IRGC: variants seen among roughly 807,000 people sequenced by gnomAD.
IRGC encodes the protein interferon-inducible GTPase 5.
Under a neutral mutation model 16.1 loss-of-function variants are expected in IRGC, and 4 were observed. The observed-to-expected ratio is 0.25, with a 90% confidence interval of 0.12 to 0.57. IRGC has a LOEUF of 0.57. Among genes scored for constraint, IRGC ranks in the 20% least tolerant of loss-of-function variants. The pLI is 0.92. For missense variants in IRGC, 570 were observed against 643.9 expected, an observed-to-expected ratio of 0.89 and a Z score of 1.24; for synonymous variants, 307 against 299.5, an observed-to-expected ratio of 1.03 and a Z score of -0.26.
Position 43,718,924 on chromosome 19 carries a change from T to G in IRGC, c.366T>G (p.Ala122=), listed in dbSNP as rs996957613. 1 of 1,612,848 alleles carries G rather than the reference T, an allele frequency of 6.2e-7. No homozygotes were observed. Among genetic ancestry groups the G allele is most frequent in the Non-Finnish European group, 8.5e-7 (1 of 1,179,792 alleles). ...LPGAGSPGCP[A]DKYLKQVDFS... is the part of the protein sequence containing the mutation. ...GAGCCGGCTCTCCAGGCTGCCCGGC[T>G]GACAAGTACCTAAAGCAGGTAGACT... The change falls in exon 2 of 2, where the codon GCT becomes GCG. Residue 122 remains alanine (A), a synonymous_variant. Transcript: ENST00000244314.
chr19:43,717,274 C>T (rs1968185312), intron 1 of IRGC, among the ~76,000 whole-genome samples: 1 of 152,138 alleles, frequency 6.6e-6, no homozygotes, highest in African/African-American at 2.4e-5. Flanking sequence ...GGAGTATCCC[C>T]CACGGGGCAG....
At chr19:43,716,721 C>T (rs553909355) in intron 1 of IRGC, among the ~76,000 whole-genome samples, 15 of 151,732 alleles carry the variant, frequency 9.9e-5, no homozygotes, top group East Asian at 5.8e-4. Flanking sequence ...GGTGAAGAGA[C>T]GGGGTGCAGG....
intron 1 of IRGC, among the ~76,000 whole-genome samples, chr19:43,717,227 G>T (rs1968184755): frequency 6.6e-6 from 1 of 152,206 alleles, no homozygotes; most frequent in Non-Finnish European, 1.5e-5. Context: ...AGCTGAACGG[G>T]GTTTGTGGGC....
intron 1 of IRGC, among the ~76,000 whole-genome samples, chr19:43,716,617 C>T (rs569478505): frequency 1.3e-5 from 2 of 152,162 alleles, no homozygotes; most frequent in Non-Finnish European, 2.9e-5. Context: ...GGATTACAGG[C>T]GTGAGCCACC....
rs778557453 is a variant in IRGC at position 43,719,624 on chromosome 19, C to T, written c.1066C>T (p.Arg356Trp). Residue 356 changes from arginine to tryptophan, a missense_variant, in exon 2 of 2, where the codon CGG (arginine) becomes TGG (tryptophan). Transcript: ENST00000244314. ...LYSQSSDGAM[R>W]VARAFERGIP... ...TTCCCAGTCGTCCGACGGCGCCATG[C>T]GGGTGGCCCGCGCCTTTGAGAGGGG... 2.5e-6 allele frequency: 4 copies of T among 1,604,568 alleles called. No homozygotes were observed. The highest frequency in any genetic ancestry group is 2.5e-6 in the Non-Finnish European group (3 of 1,179,862).
Position 43,719,409 on chromosome 19 carries a change from G to C in IRGC, c.851G>C (p.Gly284Ala). Reference sequence around the variant, plus strand: ...GTCATCCAGGCCCTGCCGGTCCCAGGGCTGGCGGCCGCCTACGATGATGCG... The same window carrying C: ...GTCATCCAGGCCCTGCCGGTCCCAGCGCTGGCGGCCGCCTACGATGATGCG... ...LGVIQALPVP[G>A]LAAAYDDALL... is the part of the protein sequence containing the mutation. The change falls in exon 2 of 2, where the codon GGG becomes GCG. Residue 284 changes from glycine to alanine, a missense_variant. Physicochemically the swap from Gly to Ala is moderately conservative, Grantham distance 60 (BLOSUM62 0). Coordinates refer to ENST00000244314, the MANE Select transcript of IRGC (RefSeq NM_019612.4). 3 of 1,607,756 alleles carry C rather than the reference G, an allele frequency of 1.9e-6. No homozygotes were observed. Among genetic ancestry groups the C allele is most frequent in the Non-Finnish European group, 2.6e-6 (3 of 1,175,992 alleles).
rs773600047 is a variant in IRGC, at chr19:43,719,141, C to A, written c.583C>A (p.Arg195=). ...AGAGGCCGCTGTCCTGCAGGAGATC[C>A]GAGACCACTGTGCCGAGCGGCTGCG... is the stretch of plus-strand genomic sequence containing the variant. The part of the protein sequence containing the change: ...FREAAVLQEI[R]DHCAERLREA... Residue 195 remains arginine, a synonymous_variant, in exon 2 of 2, where the codon CGA becomes AGA. Transcript: ENST00000244314. 3.1e-6 allele frequency: 5 copies of A among 1,610,596 alleles called. No individual in the cohort carries two copies. The South Asian group carries it at 4.4e-5, about 14-fold the overall frequency.
chr19:43,717,177 C>T (rs998498423), intron 1 of IRGC, among the ~76,000 whole-genome samples: 1 of 152,020 alleles, frequency 6.6e-6, no homozygotes, highest in East Asian at 1.9e-4. Flanking sequence ...TCTGGCTTCC[C>T]GAACCCAAGG....
chr19:43,718,403 A>T, intron 1 of IRGC, 90 bp from the exon 2 acceptor site: 3 of 1,381,316 alleles, frequency 2.2e-6, no homozygotes, highest in Non-Finnish European at 2.8e-6. Context: ...GTGGGCTTCC[A>T]GGGCGACTCC....
Position 43,719,483 on chromosome 19 carries a change from G to A in IRGC, c.925G>A (p.Asp309Asn), listed in dbSNP as rs778669792. ...RGYHRSFGLD[D>N]DSLAKLAEQV... ...CTACCACCGCAGCTTTGGTCTGGAC[G>A]ACGACTCGCTGGCCAAGCTGGCCGA... Residue 309 changes from aspartate to asparagine, a missense_variant, in exon 2 of 2, where the codon GAC (aspartate) becomes AAC (asparagine). Transcript: ENST00000244314. The A allele has an allele frequency of 3.1e-6, 5 of 1,603,934 alleles. No individual in the cohort carries two copies. The highest frequency in any genetic ancestry group is 1.7e-5 in the Admixed American group (1 of 59,900).
In IRGC at chr19:43,719,123, G is replaced by A. The variant is rs140749862; in HGVS notation, c.565G>A (p.Ala189Thr). The part of the protein sequence containing the change: ...TQRPSGFREA[A>T]VLQEIRDHCA... ...GCGGCCGTCGGGCTTCAGAGAGGCCGCTGTCCTGCAGGAGATCCGAGACCA... is the reference window on the plus strand; with the variant it reads ...GCGGCCGTCGGGCTTCAGAGAGGCCACTGTCCTGCAGGAGATCCGAGACCA... The change falls in exon 2 of 2, where the codon GCT becomes ACT. Residue 189 changes from alanine to threonine, a missense_variant. By Grantham distance (58) the Ala-to-Thr change is moderately conservative. Coordinates refer to ENST00000244314, the MANE Select transcript of IRGC (RefSeq NM_019612.4). 86 of 1,610,348 alleles carry A rather than the reference G, an allele frequency of 5.3e-5. No homozygotes were observed. Among genetic ancestry groups the A allele is most frequent in the Non-Finnish European group, 6.4e-5 (76 of 1,178,786 alleles).
chr19:43,718,887 G>A lies in IRGC; in HGVS notation c.329G>A (p.Trp110Ter), dbSNP rs1297259641. The change falls in exon 2 of 2, where the codon TGG becomes TAG. Residue 110 changes from tryptophan (W) to a stop codon, truncating the protein, a stop_gained. Transcript: ENST00000244314. LOFTEE classifies it high-confidence loss of function. ...PHPQFPDVTLWDLPGAGSPGC... is the reference protein window; with the variant it reads ...PHPQFPDVTL ...CCACAGTTCCCTGACGTGACCCTCT[G>A]GGACCTGCCAGGAGCCGGCTCTCCA... 6.2e-7 allele frequency: 1 copy of A among 1,613,196 alleles called. No homozygotes were observed. The highest frequency in any genetic ancestry group is 1.3e-5 in the African/African-American group (1 of 74,926).
intron 1 of IRGC, among the ~76,000 whole-genome samples, chr19:43,717,262 G>A (rs567324804): frequency 6.6e-6 from 1 of 152,310 alleles, no homozygotes; most frequent in African/African-American, 2.4e-5. Context: ...GCGAGGTGGG[G>A]AGGAGTATCC....
rs1432343143 is a variant in IRGC at position 43,719,057 on chromosome 19, C to T, written c.499C>T (p.Arg167Cys). 3.7e-6 allele frequency: 6 copies of T among 1,612,420 alleles called. No homozygotes were observed. The highest frequency in any genetic ancestry group is 3.3e-5 in the South Asian group (3 of 91,032). The change falls in exon 2 of 2, where the codon CGC becomes TGC. Residue 167 changes from arginine to cysteine, a missense_variant. By Grantham distance (180) the Arg-to-Cys change is radical. Transcript: ENST00000244314. ...CCAGGGCAAGAAGTTCTACTTTGTG[C>T]GCACCAAGGTGGACGAGGACCTGGC... ...LCQGKKFYFV[R>C]TKVDEDLAAT...
chr19:43,717,082 G>A (rs1968181900), intron 1 of IRGC, among the ~76,000 whole-genome samples: 1 of 152,068 alleles, frequency 6.6e-6, no homozygotes, highest in Non-Finnish European at 1.5e-5. Context: ...CGGTGGGAGG[G>A]GAACTGAACC....
rs775168388 is a variant in IRGC at position 43,719,038 on chromosome 19, C to T, written c.480C>T (p.Gly160=). 1.2e-6 allele frequency: 2 copies of T among 1,612,814 alleles called. No individual in the cohort carries two copies. Among genetic ancestry groups the T allele is most frequent in the Admixed American group, 3.3e-5 (2 of 59,992 alleles). Reference sequence around the variant, plus strand: ...TGGCCGCTGAGATCCTGTGCCAGGGCAAGAAGTTCTACTTTGTGCGCACCA... The same window carrying T: ...TGGCCGCTGAGATCCTGTGCCAGGGTAAGAAGTTCTACTTTGTGCGCACCA... ...TRLAAEILCQ[G]KKFYFVRTKV... Residue 160 remains glycine (G), a synonymous_variant, in exon 2 of 2, where the codon GGC becomes GGT. Coordinates refer to ENST00000244314, the MANE Select transcript of IRGC (RefSeq NM_019612.4).
intron 1 of IRGC, among the ~76,000 whole-genome samples, chr19:43,717,687 T>C (rs1293479381): frequency 6.6e-6 from 1 of 152,168 alleles, no homozygotes; most frequent in Non-Finnish European, 1.5e-5. Context: ...CCCTTTCCTA[T>C]GCAGCCCTGG....
Position 43,718,796 on chromosome 19 carries a change from G to T in IRGC, c.238G>T (p.Glu80Ter). Residue 80 changes from glutamate to a stop codon, truncating the protein, a stop_gained, in exon 2 of 2, where the codon GAG becomes TAG. Transcript: ENST00000244314. LOFTEE classifies it high-confidence loss of function. ...CAATGCCCTGCGTGGCCTGGAGGCCGAGGACCCTGGCGCGGCTCTCACGGG... is the reference window on the plus strand; with the variant it reads ...CAATGCCCTGCGTGGCCTGGAGGCCTAGGACCCTGGCGCGGCTCTCACGGG... Reference protein sequence around the residue: ...LINALRGLEAEDPGAALTGVM... With the variant: ...LINALRGLEA The T allele has an allele frequency of 6.2e-7, 1 of 1,612,878 alleles. No homozygotes were observed.
rs202106053 is a variant in IRGC at position 43,719,179 on chromosome 19, G to A, written c.621G>A (p.Val207=). ...HCAERLREAG[V]ADPRIFLVSN... ...CCGAGCGGCTGCGGGAGGCCGGCGT[G>A]GCTGACCCTCGCATCTTCCTGGTGT... The change falls in exon 2 of 2, where the codon GTG becomes GTA. Residue 207 remains valine (V), a synonymous_variant. Coordinates refer to ENST00000244314, the MANE Select transcript of IRGC (RefSeq NM_019612.4). 3.4e-5 allele frequency: 54 copies of A among 1,608,684 alleles called. No homozygotes were observed. The African/African-American group carries it at 6.4e-4, about 19-fold the overall frequency.
Sources: gnomAD v4.1 joint callset for allele counts (sites outside exome capture counted in the v4.1 genomes callset) on GRCh38, gnomAD v4.1.1 for gene constraint, MANE v1.5 for transcripts, NCBI Gene and HGNC (gene_info 2026-07-23, HGNC 2026-07-21) for gene names.